The following MCTP1 variants were observed in gnomAD, a reference collection of about 807,000 sequenced individuals.
MCTP1 encodes the protein multiple C2 and transmembrane domain-containing protein 1.
Under a neutral mutation model 120.6 loss-of-function variants are expected in MCTP1, and 69 were observed. The ratio of observed to expected loss-of-function variants is 0.57; its 90% confidence interval spans 0.47 to 0.70. The LOEUF is 0.70. Ranked by LOEUF, MCTP1 falls within the 30% of genes least tolerant of loss-of-function variation. The pLI, the probability that MCTP1 is intolerant of heterozygous loss-of-function variation, is 0.00. For synonymous variants in MCTP1, 529 were observed against 493.1 expected, an observed-to-expected ratio of 1.07 and a Z score of -0.96; for missense variants, 1,203 against 1,248.8, an observed-to-expected ratio of 0.96 and a Z score of 0.55.
At chr5:94,955,463 G>T (rs1822351366) in intron 2 of MCTP1, among the ~76,000 whole-genome samples, 1 of 152,148 alleles carries the variant, frequency 6.6e-6, no homozygotes, top group Non-Finnish European at 1.5e-5. Flanking sequence ...TTGCCGAGTG[G>T]TCTTGCTCAG....
chr5:94,892,413 G>T (rs548184747), intron 11 of MCTP1, among the ~76,000 whole-genome samples: 1 of 152,122 alleles, frequency 6.6e-6, no homozygotes, highest in African/African-American at 2.4e-5. Context: ...GGGAGCAAGG[G>T]TTCAGCATAC....
chr5:95,212,446 T>C (rs1752498449), intron 1 of MCTP1, among the ~76,000 whole-genome samples: 1 of 152,046 alleles, frequency 6.6e-6, no homozygotes, highest in Non-Finnish European at 1.5e-5. Context: ...AAGGAGGAAC[T>C]GGTACCATTC....
At chr5:95,050,771 C>T (rs1193447384) in intron 1 of MCTP1, among the ~76,000 whole-genome samples, 2 of 152,166 alleles carry the variant, frequency 1.3e-5, no homozygotes, top group Non-Finnish European at 2.9e-5. Context: ...GTTCTAATTC[C>T]TAGTACTGTA....
intron 1 of MCTP1, among the ~76,000 whole-genome samples, chr5:95,042,589 T>A: frequency 6.6e-6 from 1 of 152,230 alleles, no homozygotes; most frequent in East Asian, 1.9e-4. Flanking sequence ...ATGCATTGGC[T>A]GCATACTCTA....
intron 18 of MCTP1, 41 bp from the exon 19 acceptor site, chr5:94,779,204 G>A (rs770854505): frequency 6.4e-7 from 1 of 1,560,288 alleles, no homozygotes; most frequent in South Asian, 1.1e-5. Context: ...GCTCTTAAAG[G>A]AGAGAATTTT....
chr5:95,170,333 A>C (rs1225950032), intron 1 of MCTP1, among the ~76,000 whole-genome samples: 1 of 152,232 alleles, frequency 6.6e-6, no homozygotes, highest in East Asian at 1.9e-4. Context: ...ACTTCCAACT[A>C]TGTGGTCAAT....
At chr5:95,032,488 C>T (rs2151774854) in intron 1 of MCTP1, among the ~76,000 whole-genome samples, 1 of 152,018 alleles carries the variant, frequency 6.6e-6, no homozygotes, top group East Asian at 1.9e-4. Context: ...TTCCGAAGAA[C>T]TTTGGGTAAA....
intron 1 of MCTP1, among the ~76,000 whole-genome samples, chr5:95,274,455 C>T (rs1407817776): frequency 6.6e-6 from 1 of 152,104 alleles, no homozygotes; most frequent in East Asian, 1.9e-4. Context: ...GGACCCACCC[C>T]AACCCATGTA....
intron 2 of MCTP1, among the ~76,000 whole-genome samples, chr5:95,009,919 G>C (rs1287412576): frequency 2.0e-5 from 3 of 152,202 alleles, no homozygotes; most frequent in Non-Finnish European, 4.4e-5. Context: ...AGCTCTGGCT[G>C]CTGAGCCACT....
intron 1 of MCTP1, among the ~76,000 whole-genome samples, chr5:95,056,215 C>CT (rs1486100280): frequency 6.6e-6 from 1 of 152,168 alleles, no homozygotes. Context: ...AAATTATTAG[C>CT]TCTTAATACA....
chr5:95,169,232 C>G (rs1746874327), intron 1 of MCTP1, among the ~76,000 whole-genome samples: 1 of 152,196 alleles, frequency 6.6e-6, no homozygotes, highest in African/African-American at 2.4e-5. Context: ...AGCCTTGCAA[C>G]CCACAGAGGA....
Position 94,798,949 on chromosome 5 carries a change from G to T in MCTP1, c.2556+64C>A, listed in dbSNP as rs1008149208. On this transcript the variant is annotated intron_variant, in intron 18 of 22. Coordinates refer to ENST00000515393, the MANE Select transcript of MCTP1 (RefSeq NM_024717.7). The stretch of plus-strand genomic sequence containing the variant: ...GGTTTGTAAAGCCAAATTCAATGTT[G>T]ATCTTGTCAGAGGGACTCAGAATAA... The T allele has an allele frequency of 9.8e-6, 15 of 1,530,614 alleles. No individual in the cohort carries two copies. The African/African-American group carries it at 1.8e-4, about 19-fold the overall frequency. 94.8% of individuals were successfully genotyped at this position (1,530,614 alleles called of 1,614,324 possible). A position where few individuals can be genotyped will look rare whatever the true frequency, so the allele number is the denominator to read the frequency against.
At chr5:95,095,110 G>C (rs1359627846) in intron 1 of MCTP1, among the ~76,000 whole-genome samples, 1 of 121,916 alleles carries the variant, frequency 8.2e-6, no homozygotes, top group African/African-American at 3.1e-5. Flanking sequence ...TGCAAGCTCT[G>C]CCTCCCGGGT....
Position 94,796,208 on chromosome 5 carries a change from TG to T in MCTP1, c.2556+2804del, listed in dbSNP as rs564579575. 1.6e-4 allele frequency among the ~76,000 whole-genome samples: 24 copies of T among 152,332 alleles called. No individual in the cohort carries two copies. The South Asian group carries it at 4.8e-3, about 30-fold the overall frequency. On this transcript the variant is annotated intron_variant, in intron 18 of 22. Transcript: ENST00000515393. The stretch of plus-strand genomic sequence containing the variant: ...TGCTATACAGACCTGAAGGTCATTT[TG>T]ATTTTTCGTTTATAGTTTTCACCCT...
intron 1 of MCTP1, among the ~76,000 whole-genome samples, chr5:95,205,466 A>T (rs1751523844): frequency 6.6e-6 from 1 of 152,210 alleles, no homozygotes; most frequent in African/African-American, 2.4e-5. Context: ...AAGCACAGCA[A>T]GAAAAGAAAA....
chr5:95,055,335 T>C (rs1413103870), intron 1 of MCTP1, among the ~76,000 whole-genome samples: 2 of 152,238 alleles, frequency 1.3e-5, no homozygotes, highest in African/African-American at 4.8e-5. Flanking sequence ...ATTTATTTAT[T>C]CTTTACACAT....
intron 1 of MCTP1, among the ~76,000 whole-genome samples, chr5:95,283,028 T>C (rs1430095964): frequency 6.6e-6 from 1 of 152,236 alleles, no homozygotes; most frequent in African/African-American, 2.4e-5. Flanking sequence ...AAATATTTTC[T>C]AGAATTAAAA....
chr5:95,225,364 T>G (rs1754140853), intron 1 of MCTP1, among the ~76,000 whole-genome samples: 1 of 152,158 alleles, frequency 6.6e-6, no homozygotes, highest in South Asian at 2.1e-4. Context: ...ATTTCCCTCT[T>G]AACATTTTCA....
chr5:95,196,981 A>G (rs1008026033), intron 1 of MCTP1, among the ~76,000 whole-genome samples: 1 of 152,222 alleles, frequency 6.6e-6, no homozygotes, highest in African/African-American at 2.4e-5. Flanking sequence ...AAGAGCTTCA[A>G]TAAAGACCCT....
Sources: allele counts gnomAD v4.1 joint callset (sites outside exome capture counted in the v4.1 genomes callset), GRCh38; gene constraint gnomAD v4.1.1; transcripts MANE v1.5; gene names NCBI Gene and HGNC (gene_info 2026-07-23, HGNC 2026-07-21).